CEMIP: variants seen among roughly 807,000 people sequenced by gnomAD.
The protein encoded by CEMIP is cell migration-inducing and hyaluronan-binding protein.
A neutral mutation model predicts 156.9 loss-of-function variants in CEMIP; 105 were observed. That is an observed-to-expected ratio of 0.67 (90% CI 0.57 to 0.79). The LOEUF (loss-of-function observed/expected upper bound fraction) is 0.79. CEMIP is among the 30% of genes least tolerant of loss of function. The pLI, the probability that CEMIP is intolerant of heterozygous loss-of-function variation, is 0.00. For missense variants in CEMIP, 1,457 were observed against 1,769.4 expected, an observed-to-expected ratio of 0.82 and a Z score of 3.17; for synonymous variants, 676 against 668.4, an observed-to-expected ratio of 1.01 and a Z score of -0.17.
intron 1 of CEMIP, among the ~76,000 whole-genome samples, chr15:80,840,016 G>T (rs886632432): frequency 4.6e-5 from 7 of 152,218 alleles, no homozygotes; most frequent in Non-Finnish European, 1.0e-4. Context: ...TGAAGCTGCT[G>T]AGTCTTTTTG....
At chr15:80,912,297 C>T (rs1284097048) in intron 14 of CEMIP, among the ~76,000 whole-genome samples, 4 of 152,224 alleles carry the variant, frequency 2.6e-5, no homozygotes, top group Admixed American at 2.6e-4. Context: ...GAGGTGGACT[C>T]TTGTAGCCAG....
rs1329311099 is a variant in CEMIP at position 80,873,687 on chromosome 15, G to A, written c.-26G>A. On this transcript the variant is annotated 5_prime_UTR_variant, in exon 2 of 30. Transcript: ENST00000394685. Reference sequence around the variant, plus strand: ...CTGGCCTTGAGTTGTGGCAGCTGGGGAAGCCACTGGTGAGGACGCTGCACT... The same window carrying A: ...CTGGCCTTGAGTTGTGGCAGCTGGGAAAGCCACTGGTGAGGACGCTGCACT... The A allele has an allele frequency of 4.2e-5, 25 of 593,366 alleles. No individual in the cohort carries two copies. Among genetic ancestry groups the A allele is most frequent in the Middle Eastern group, 4.1e-4 (1 of 2,420 alleles). The allele number at this position is 593,366 out of a possible 1,614,324, so 36.8% of individuals were successfully genotyped here.
At chr15:80,850,604 A>T (rs2141734901) in intron 1 of CEMIP, among the ~76,000 whole-genome samples, 1 of 152,160 alleles carries the variant, frequency 6.6e-6, no homozygotes, top group Middle Eastern at 3.4e-3. Flanking sequence ...TCCCAAGGAG[A>T]CATGTCCTGT....
rs1431570563 is a variant in CEMIP at position 80,873,871 on chromosome 15, A to G, written c.-9A>G. On this transcript the variant is annotated 5_prime_UTR_variant, in exon 3 of 30. Coordinates refer to ENST00000394685, the MANE Select transcript of CEMIP (RefSeq NM_001293298.2). ...TGTGTGCTTCTCTTTCAGGGAGCAC[A>G]CTGCCAGGATGGGAGCTGCTGGGAG... The G allele has an allele frequency of 6.4e-7, 1 of 1,573,328 alleles. No homozygotes were observed. Among genetic ancestry groups the G allele is most frequent in the Non-Finnish European group, 8.6e-7 (1 of 1,157,570 alleles).
chr15:80,924,480 T>A, intron 17 of CEMIP, 141 bp from the exon 18 acceptor site: 1 of 746,584 alleles, frequency 1.3e-6, no homozygotes, highest in East Asian at 2.7e-5. Context: ...TTACTGTAGA[T>A]CCTCTACTTC....
intron 1 of CEMIP, among the ~76,000 whole-genome samples, chr15:80,836,101 T>G (rs898036041): frequency 6.6e-6 from 1 of 151,974 alleles, no homozygotes. Flanking sequence ...GTATTCAGTT[T>G]TTCTCTATTT....
intron 17 of CEMIP, among the ~76,000 whole-genome samples, chr15:80,922,413 G>A (rs1900511553): frequency 6.6e-6 from 1 of 152,242 alleles, no homozygotes; most frequent in African/African-American, 2.4e-5. Flanking sequence ...TGCTGACAGG[G>A]GGAGAGCTTC....
chr15:80,828,409 C>T lies in CEMIP; in HGVS notation c.-175-45129C>T, dbSNP rs10163014. 7.5e-3 allele frequency among the ~76,000 whole-genome samples: 1,147 copies of T among 151,982 alleles called. 16 individuals are homozygous for T. The highest frequency in any genetic ancestry group is 0.026 in the African/African-American group (1,066 of 41,444). ...GAAAAAAAAAAAATGCCGAATGCCA[C>T]GCAGCAGTCCCAGAATCCAGAGGTG... On this transcript the variant is annotated intron_variant, in intron 1 of 29. Coordinates refer to ENST00000394685, the MANE Select transcript of CEMIP (RefSeq NM_001293298.2).
intron 1 of CEMIP, among the ~76,000 whole-genome samples, chr15:80,811,558 T>TTATA (rs1408905477): frequency 7.2e-5 from 11 of 152,330 alleles, no homozygotes; most frequent in African/African-American, 2.6e-4. Flanking sequence ...CTGATTTATT[T>TTATA]TATTTATTTA....
chr15:80,880,346 C>G (rs12915985), intron 5 of CEMIP, among the ~76,000 whole-genome samples: 89,424 of 152,106 alleles, frequency 0.59, 27,393 homozygotes, highest in Non-Finnish European at 0.69. Flanking sequence ...AACATGCCAA[C>G]TTGTGAACTA....
chr15:80,813,375 A>C (rs1896715122), intron 1 of CEMIP, among the ~76,000 whole-genome samples: 1 of 136,972 alleles, frequency 7.3e-6, no homozygotes. Context: ...TTTTTGACGG[A>C]GTCTCACTCT....
At chr15:80,871,878 C>T (rs1227413577) in intron 1 of CEMIP, among the ~76,000 whole-genome samples, 4 of 152,088 alleles carry the variant, frequency 2.6e-5, no homozygotes, top group Non-Finnish European at 4.4e-5. Flanking sequence ...TCCCAGATGC[C>T]GTGATGCGTG....
intron 1 of CEMIP, among the ~76,000 whole-genome samples, chr15:80,868,740 G>T (rs748110971): frequency 6.6e-6 from 1 of 152,198 alleles, no homozygotes; most frequent in Admixed American, 6.5e-5. Flanking sequence ...CCATAAACTA[G>T]AGATAATAAT....
At chr15:80,935,427 C>G (rs1464030915) in intron 23 of CEMIP, among the ~76,000 whole-genome samples, 1 of 152,164 alleles carries the variant, frequency 6.6e-6, no homozygotes, top group Non-Finnish European at 1.5e-5. Flanking sequence ...TTAGAGCTTG[C>G]CAGATTATCA....
At chr15:80,801,776 T>C (rs760032210) in intron 1 of CEMIP, among the ~76,000 whole-genome samples, 1 of 152,240 alleles carries the variant, frequency 6.6e-6, no homozygotes, top group Non-Finnish European at 1.5e-5. Context: ...TACCTATAGA[T>C]TCAACCAATT....
chr15:80,852,834 C>G (rs1897746717), intron 1 of CEMIP, among the ~76,000 whole-genome samples: 1 of 152,118 alleles, frequency 6.6e-6, no homozygotes, highest in African/African-American at 2.4e-5. Context: ...ATTTGATTTT[C>G]AGCTTGTCTT....
At chr15:80,939,628 T>C (rs1363064386) in intron 25 of CEMIP, among the ~76,000 whole-genome samples, 7 of 152,222 alleles carry the variant, frequency 4.6e-5, no homozygotes, top group Non-Finnish European at 1.0e-4. Flanking sequence ...GCTGGTCTGC[T>C]TGTCACCTTA....
intron 1 of CEMIP, among the ~76,000 whole-genome samples, chr15:80,841,613 T>C (rs1421027451): frequency 6.6e-6 from 1 of 152,188 alleles, no homozygotes; most frequent in Non-Finnish European, 1.5e-5. Flanking sequence ...CCTGGTATGT[T>C]TATCAGGAGG....
rs1900488850 is a variant in CEMIP, at chr15:80,921,950, G to A, written c.2074-59G>A. On this transcript the variant is annotated intron_variant, in intron 16 of 29. Transcript: ENST00000394685. ...CCGGCGTGGGCCGCGTGGCCACCTTGCCCAGGAGCTCTCTGGGGCTGAACG... is the reference window on the plus strand; with the variant it reads ...CCGGCGTGGGCCGCGTGGCCACCTTACCCAGGAGCTCTCTGGGGCTGAACG... 4 of 1,611,576 alleles carry A rather than the reference G, an allele frequency of 2.5e-6. No individual in the cohort carries two copies. The Admixed American group carries it at 6.7e-5, about 27-fold the overall frequency.
Sources: gnomAD v4.1 joint callset for allele counts (sites outside exome capture counted in the v4.1 genomes callset) on GRCh38, gnomAD v4.1.1 for gene constraint, MANE v1.5 for transcripts, NCBI Gene and HGNC (gene_info 2026-07-23, HGNC 2026-07-21) for gene names.